RIN2: variants seen among roughly 807,000 people sequenced by gnomAD.
RIN2 encodes Ras and Rab interactor 2, also known as RAB5 interacting protein 2.
A neutral mutation model predicts 78.0 loss-of-function variants in RIN2; 36 were observed. The observed-to-expected ratio is 0.46, with a 90% CI of 0.35 to 0.61. The LOEUF is 0.61. RIN2 is among the 20% of genes least tolerant of loss of function. RIN2 has a pLI of 0.00. For synonymous variants in RIN2, 466 were observed against 466.8 expected, an observed-to-expected ratio of 1.00 and a Z score of 0.02; for missense variants, 1,087 against 1,159.7, an observed-to-expected ratio of 0.94 and a Z score of 0.91.
intron 3 of RIN2, among the ~76,000 whole-genome samples, chr20:19,900,416 G>A (rs1039745117): frequency 1.3e-5 from 2 of 152,114 alleles, no homozygotes; most frequent in African/African-American, 4.8e-5. Context: ...CCAGGAGGCA[G>A]AGGTTGCAGT....
Position 19,974,802 on chromosome 20 carries a change from G to A in RIN2, c.777G>A (p.Glu259=), listed in dbSNP as rs377031221. The A allele has an allele frequency of 1.4e-5, 22 of 1,613,884 alleles. No individual in the cohort carries two copies. Among genetic ancestry groups the A allele is most frequent in the Non-Finnish European group, 1.7e-5 (20 of 1,179,904 alleles). ...VHSIKTRTPS[E]LECSQTNGAL... is the part of the protein sequence containing the mutation. ...CTATCAAAACCAGGACGCCTTCAGA[G>A]CTGGAGTGCAGCCAGACCAACGGGG... The change falls in exon 9 of 13, where the codon GAG becomes GAA. Residue 259 remains glutamate (E), a synonymous_variant. Coordinates refer to ENST00000255006, the MANE Select transcript of RIN2 (RefSeq NM_018993.4).
intron 2 of RIN2, among the ~76,000 whole-genome samples, chr20:19,820,898 T>C (rs1205496780): frequency 6.6e-6 from 1 of 152,202 alleles, no homozygotes; most frequent in Non-Finnish European, 1.5e-5. Flanking sequence ...TTCCATGCGG[T>C]ATAAATACTC....
In RIN2 at chr20:19,979,465, G is replaced by A. The variant is rs540165667; in HGVS notation, c.1762+3678G>A. ...TATTTCAAAGGTCACTTCGATTTACGTATCTGAGTGTTTTTTGTTTGTTAA... is the reference window on the plus strand; with the variant it reads ...TATTTCAAAGGTCACTTCGATTTACATATCTGAGTGTTTTTTGTTTGTTAA... On this transcript the variant is annotated intron_variant, in intron 9 of 12. Transcript: ENST00000255006. Among the ~76,000 whole-genome samples, 6 of 152,214 alleles carry A rather than the reference G, an allele frequency of 3.9e-5. No individual in the cohort carries two copies. In the South Asian group the frequency reaches 1.2e-3, roughly 32 times the overall value.
chr20:19,897,064 A>G (rs1277928756), intron 3 of RIN2, among the ~76,000 whole-genome samples: 1 of 152,036 alleles, frequency 6.6e-6, no homozygotes, highest in Non-Finnish European at 1.5e-5. Flanking sequence ...CCCTGTGTGT[A>G]TTTTACACTC....
At chr20:19,878,263 A>C (rs6046399) in intron 2 of RIN2, among the ~76,000 whole-genome samples, 324 of 152,228 alleles carry the variant, frequency 2.1e-3, no homozygotes, top group African/African-American at 7.2e-3. Flanking sequence ...CGCGTGGCCC[A>C]AGCCTGCTTC....
At chr20:19,902,531 C>G (rs1223702044) in intron 3 of RIN2, among the ~76,000 whole-genome samples, 1 of 152,144 alleles carries the variant, frequency 6.6e-6, no homozygotes. Context: ...GGAGGACATC[C>G]TTCCTCAAAG....
intron 1 of RIN2, among the ~76,000 whole-genome samples, chr20:19,796,739 G>T (rs1470782121): frequency 6.6e-6 from 1 of 152,194 alleles, no homozygotes; most frequent in Non-Finnish European, 1.5e-5. Context: ...CTTGCTTAAA[G>T]CTTCACAGGT....
intron 4 of RIN2, among the ~76,000 whole-genome samples, chr20:19,950,665 C>T (rs2041274633): frequency 6.6e-6 from 1 of 151,892 alleles, no homozygotes; most frequent in Non-Finnish European, 1.5e-5. Flanking sequence ...AGCATTTTTC[C>T]TTTGTAAGCA....
chr20:19,861,701 A>G (rs1225663871), intron 2 of RIN2, among the ~76,000 whole-genome samples: 1 of 147,614 alleles, frequency 6.8e-6, no homozygotes, highest in East Asian at 2.0e-4. Context: ...ATCAACCTCC[A>G]TATCTGATGA....
At chr20:19,851,288 G>T (rs1011118962) in intron 2 of RIN2, among the ~76,000 whole-genome samples, 1 of 152,016 alleles carries the variant, frequency 6.6e-6, no homozygotes, top group African/African-American at 2.4e-5. Flanking sequence ...GGCCATAGAG[G>T]ACTCAATCAA....
chr20:19,996,117 C>T (rs1298710487), intron 11 of RIN2, among the ~76,000 whole-genome samples: 5 of 152,158 alleles, frequency 3.3e-5, no homozygotes, highest in African/African-American at 9.7e-5. Flanking sequence ...GGTTCAAGAC[C>T]AGCCTGGCCA....
chr20:19,816,355 C>T (rs1373481745), intron 2 of RIN2, among the ~76,000 whole-genome samples: 2 of 152,152 alleles, frequency 1.3e-5, no homozygotes, highest in Non-Finnish European at 2.9e-5. Context: ...TTTGATATCA[C>T]CTAACCTGAA....
At chr20:19,844,802 G>C (rs920605776) in intron 2 of RIN2, among the ~76,000 whole-genome samples, 1 of 150,682 alleles carries the variant, frequency 6.6e-6, no homozygotes, top group Admixed American at 6.6e-5. Context: ...TGTTACATAG[G>C]TATACACGTG....
intron 2 of RIN2, among the ~76,000 whole-genome samples, chr20:19,827,772 A>G (rs1002880651): frequency 7.1e-6 from 1 of 141,304 alleles, no homozygotes; most frequent in South Asian, 2.2e-4. Context: ...AATTGCTCCC[A>G]TTGTCAAGGA....
intron 9 of RIN2, among the ~76,000 whole-genome samples, chr20:19,987,469 G>T (rs2042656800): frequency 6.6e-6 from 1 of 152,152 alleles, no homozygotes; most frequent in Non-Finnish European, 1.5e-5. Context: ...CTGTATAAAT[G>T]GTTATTTAAA....
chr20:19,945,211 A>G (rs2041040854), intron 4 of RIN2, among the ~76,000 whole-genome samples: 1 of 152,220 alleles, frequency 6.6e-6, no homozygotes, highest in Non-Finnish European at 1.5e-5. Flanking sequence ...TCTGACTTGG[A>G]GTCCTCTTTC....
At chr20:19,904,325 CTAT>C (rs2039126931) in intron 3 of RIN2, among the ~76,000 whole-genome samples, 1 of 151,058 alleles carries the variant, frequency 6.6e-6, no homozygotes, top group Non-Finnish European at 1.5e-5. Context: ...TATGCGCTGC[CTAT>C]ATATGGTTCA....
chr20:19,950,384 T>C (rs953363695), intron 4 of RIN2, among the ~76,000 whole-genome samples: 1 of 152,220 alleles, frequency 6.6e-6, no homozygotes, highest in Non-Finnish European at 1.5e-5. Flanking sequence ...TTTATAGTTA[T>C]AAAAACTCAG....
intron 3 of RIN2, among the ~76,000 whole-genome samples, chr20:19,893,020 G>T (rs2038553713): frequency 6.6e-6 from 1 of 152,138 alleles, no homozygotes; most frequent in South Asian, 2.1e-4. Context: ...TTTCAGTCTG[G>T]TAGCAAATAA....
Sources: allele counts gnomAD v4.1 joint callset (sites outside exome capture counted in the v4.1 genomes callset), GRCh38; gene constraint gnomAD v4.1.1; transcripts MANE v1.5; gene names NCBI Gene and HGNC (gene_info 2026-07-23, HGNC 2026-07-21).